The following GRM5 variants were observed in gnomAD, a reference collection of about 807,000 sequenced individuals.
The protein encoded by GRM5 is metabotropic glutamate receptor 5.
In GRM5, 19 loss-of-function variants were observed where a neutral mutation model predicts 83.1. That is an observed-to-expected ratio of 0.23 (90% CI 0.16 to 0.34). The LOEUF (loss-of-function observed/expected upper bound fraction) is 0.34, where lower values mean the gene tolerates loss of function less well. Among genes scored for constraint, GRM5 ranks in the 10% least tolerant of loss-of-function variants. The pLI is 1.00. For missense variants in GRM5, 1,160 were observed against 1,588.3 expected (o/e 0.73, Z 4.58); for synonymous variants, 675 against 633.6 (o/e 1.07, Z -0.98).
intron 8 of GRM5, among the ~76,000 whole-genome samples, chr11:88,560,367 A>G (rs1388078687): frequency 6.6e-6 from 1 of 151,900 alleles, no homozygotes; most frequent in Non-Finnish European, 1.5e-5. Flanking sequence ...ATGGCACTGT[A>G]TTGCTTTATT....
chr11:88,563,822 C>A (rs1156434287), intron 8 of GRM5, among the ~76,000 whole-genome samples: 1 of 152,192 alleles, frequency 6.6e-6, no homozygotes, highest in African/African-American at 2.4e-5. Flanking sequence ...TATACACTGG[C>A]TTTTCATAAA....
chr11:88,717,455 T>C (rs1043209073), intron 3 of GRM5, among the ~76,000 whole-genome samples: 2 of 151,910 alleles, frequency 1.3e-5, no homozygotes, highest in African/African-American at 4.8e-5. Flanking sequence ...ATACTAGATC[T>C]CTTTTGATCT....
chr11:88,575,225 G>C (rs1430621558), intron 7 of GRM5, among the ~76,000 whole-genome samples: 1 of 152,040 alleles, frequency 6.6e-6, no homozygotes, highest in Non-Finnish European at 1.5e-5. Context: ...AAAGAAAAAA[G>C]AGACTAACAT....
At chr11:88,558,972 A>T (rs946333566) in intron 8 of GRM5, among the ~76,000 whole-genome samples, 4 of 152,012 alleles carry the variant, frequency 2.6e-5, no homozygotes, top group African/African-American at 9.7e-5. Context: ...GCTCATAATA[A>T]AAGTTTATAA....
chr11:88,665,370 G>C (rs1940016640), intron 3 of GRM5, among the ~76,000 whole-genome samples: 1 of 152,086 alleles, frequency 6.6e-6, no homozygotes, highest in Non-Finnish European at 1.5e-5. Context: ...AGATGCTTAA[G>C]AGACCTTGAT....
At chr11:88,608,075 G>A (rs1467132313) in intron 4 of GRM5, among the ~76,000 whole-genome samples, 2 of 152,098 alleles carry the variant, frequency 1.3e-5, no homozygotes, top group Admixed American at 1.3e-4. Context: ...TATGCAAGTG[G>A]GTTACATGCA....
At chr11:88,792,779 C>T (rs1943200937) in intron 3 of GRM5, among the ~76,000 whole-genome samples, 1 of 151,668 alleles carries the variant, frequency 6.6e-6, no homozygotes, top group Non-Finnish European at 1.5e-5. Flanking sequence ...TTTCTTAAAC[C>T]AATTATTAGT....
rs1022656205 is a variant in GRM5, at chr11:88,995,544, C to CAAAA, written c.661+51664_661+51667dup. Among the ~76,000 whole-genome samples, 5 of 16,890 alleles carry CAAAA rather than the reference C, an allele frequency of 3.0e-4. 1 individual carries two copies. Among genetic ancestry groups the CAAAA allele is most frequent in the African/African-American group, 6.0e-4 (5 of 8,330 alleles). 11.1% of individuals were successfully genotyped at this position (16,890 alleles called of 152,430 possible). On this transcript the variant is annotated intron_variant, in intron 2 of 9. Coordinates refer to ENST00000305447, the MANE Select transcript of GRM5 (RefSeq NM_001143831.3). Reference sequence around the variant, plus strand: ...TGGCAACAAGAGCGAGACTCCATCTCAAAAAAAAAAAAAAAAAAAAAAAAA... The same window carrying CAAAA: ...TGGCAACAAGAGCGAGACTCCATCTCAAAAAAAAAAAAAAAAAAAAAAAAAAAAA...
At chr11:88,933,538 T>A (rs1176641193) in intron 2 of GRM5, among the ~76,000 whole-genome samples, 6 of 151,868 alleles carry the variant, frequency 4.0e-5, no homozygotes, top group Admixed American at 2.0e-4. Flanking sequence ...TTTTAAAAGT[T>A]TAAATACTTT....
rs538630338 is a variant in GRM5 at position 88,507,779 on chromosome 11, C to A, written c.*813G>T. 1 of 152,700 alleles carries A rather than the reference C, an allele frequency of 6.5e-6. No individual in the cohort carries two copies. The highest frequency in any genetic ancestry group is 2.1e-4 in the South Asian group (1 of 4,820). The allele number at this position is 152,700 out of a possible 1,614,324, so 9.5% of individuals were successfully genotyped here. On this transcript the variant is annotated 3_prime_UTR_variant, in exon 10 of 10. Coordinates refer to ENST00000305447, the MANE Select transcript of GRM5 (RefSeq NM_001143831.3). ...GTGAGGGAATTACAAAACAGTATTC[C>A]AGAAAATATTTTTTTTGCTACTCCA...
At chr11:88,648,418 C>T (rs1390806194) in intron 4 of GRM5, among the ~76,000 whole-genome samples, 12 of 136,580 alleles carry the variant, frequency 8.8e-5, no homozygotes, top group Admixed American at 8.4e-4. Context: ...AAACCAAACA[C>T]CGCATATTCT....
intron 7 of GRM5, among the ~76,000 whole-genome samples, chr11:88,568,404 G>A (rs894929135): frequency 7.9e-5 from 12 of 152,114 alleles, no homozygotes; most frequent in African/African-American, 2.9e-4. Flanking sequence ...TGGAGTTGGG[G>A]ATTTCATGGG....
intron 8 of GRM5, among the ~76,000 whole-genome samples, chr11:88,530,367 A>T (rs1347698402): frequency 2.0e-5 from 3 of 152,104 alleles, no homozygotes; most frequent in Middle Eastern, 3.4e-3. Flanking sequence ...TGGCATGAAA[A>T]ACTCTCACAA....
chr11:89,065,325 G>C (rs1343964112), intron 1 of GRM5, among the ~76,000 whole-genome samples: 1 of 150,936 alleles, frequency 6.6e-6, no homozygotes, highest in Non-Finnish European at 1.5e-5. Flanking sequence ...CAGAGGGAGA[G>C]AGAGAGAGAC....
At chr11:88,633,133 C>A (rs189979465) in intron 4 of GRM5, among the ~76,000 whole-genome samples, 29 of 152,254 alleles carry the variant, frequency 1.9e-4, no homozygotes, top group African/African-American at 6.7e-4. Flanking sequence ...CAATAAGATA[C>A]CACTATGCAC....
At chr11:89,040,531 C>A (rs1032088764) in intron 2 of GRM5, among the ~76,000 whole-genome samples, 3 of 151,954 alleles carry the variant, frequency 2.0e-5, no homozygotes, top group African/African-American at 7.3e-5. Flanking sequence ...CTCATCTCTA[C>A]AAAAAATTAA....
Position 88,509,024 on chromosome 11 carries a change from C to G in GRM5, c.3207G>C (p.Thr1069=). Residue 1069 remains threonine, a synonymous_variant, in exon 10 of 10, where the codon ACG becomes ACC. Transcript: ENST00000305447. Reference sequence around the variant, plus strand: ...TGGAGTTGAGCTCGCTGATGTTGGCCGTGAAGCGGGTGACCACACTGCTGA... The same window carrying G: ...TGGAGTTGAGCTCGCTGATGTTGGCGGTGAAGCGGGTGACCACACTGCTGA... ...EQISSVVTRF[T]ANISELNSMM... is the part of the protein sequence containing the mutation. The G allele has an allele frequency of 6.4e-7, 1 of 1,568,530 alleles. No individual in the cohort carries two copies. The highest frequency in any genetic ancestry group is 8.6e-7 in the Non-Finnish European group (1 of 1,156,198).
At chr11:88,620,025 C>T (rs1938591624) in intron 4 of GRM5, among the ~76,000 whole-genome samples, 1 of 152,112 alleles carries the variant, frequency 6.6e-6, no homozygotes, top group Non-Finnish European at 1.5e-5. Context: ...GTGGATGATA[C>T]CATATTTTTT....
intron 2 of GRM5, among the ~76,000 whole-genome samples, chr11:88,920,923 G>T (rs777316016): frequency 2.6e-5 from 4 of 152,104 alleles, no homozygotes; most frequent in South Asian, 2.1e-4. Flanking sequence ...TAAGTGTATG[G>T]CATTCTTATT....
Sources: allele counts gnomAD v4.1 joint callset (sites outside exome capture counted in the v4.1 genomes callset), GRCh38; gene constraint gnomAD v4.1.1; transcripts MANE v1.5; gene names NCBI Gene and HGNC (gene_info 2026-07-23, HGNC 2026-07-21).